The following RB1CC1 variants were observed in gnomAD, a reference collection of about 807,000 sequenced individuals.
The protein encoded by RB1CC1 is RB1 inducible coiled-coil 1.
RB1CC1 carries 46 observed loss-of-function variants against 177.5 expected under a neutral mutation model. The observed-to-expected ratio is 0.26, with a 90% CI of 0.20 to 0.33. The LOEUF (loss-of-function observed/expected upper bound fraction) is 0.33, where lower values mean the gene tolerates loss of function less well. Among genes scored for constraint, RB1CC1 ranks in the 10% least tolerant of loss-of-function variants. RB1CC1 has a pLI of 1.00. For synonymous variants in RB1CC1, 666 were observed against 613.6 expected (o/e 1.09, Z -1.26); for missense variants, 1,703 against 1,816.3 (o/e 0.94, Z 1.13).
At chr8:52,707,111 A>T (rs1856628825) in intron 1 of RB1CC1, among the ~76,000 whole-genome samples, 1 of 152,274 alleles carries the variant, frequency 6.6e-6, no homozygotes, top group Non-Finnish European at 1.5e-5. Context: ...AAAAAGTAAA[A>T]GTACCTGTCT....
chr8:52,658,788 G>C (rs1036179413), intron 13 of RB1CC1, 85 bp downstream of exon 13: 7 of 896,758 alleles, frequency 7.8e-6, no homozygotes, highest in Admixed American at 3.3e-5. Flanking sequence ...CACCTCTTAA[G>C]ATTACTGGTA....
At chr8:52,641,384 CAAAAA>C (rs33912526) in intron 18 of RB1CC1, among the ~76,000 whole-genome samples, 3 of 97,478 alleles carry the variant, frequency 3.1e-5, no homozygotes, top group African/African-American at 1.2e-4. Context: ...GACTTCATCT[CAAAAA>C]AAAAAAAAAA....
chr8:52,670,690 C>G (rs1023400192), intron 7 of RB1CC1, among the ~76,000 whole-genome samples: 4 of 152,146 alleles, frequency 2.6e-5, no homozygotes, highest in African/African-American at 9.7e-5. Flanking sequence ...ACAGAACACT[C>G]AAGAGTCATC....
intron 1 of RB1CC1, among the ~76,000 whole-genome samples, chr8:52,712,259 TATTC>T (rs921750104): frequency 2.6e-5 from 4 of 152,194 alleles, no homozygotes; most frequent in Admixed American, 2.0e-4. Context: ...TTTAAAAAGA[TATTC>T]ATAAGACATA....
rs905434504 is a variant in RB1CC1 at position 52,656,447 on chromosome 8, A to C, written c.3382T>G (p.Leu1128Val). ...CACTGATCTTTTTCAATTGTCATTA[A>C]AGTTCTTAGCTCTGCTAAGCCCACC... ...YQVGLAELRT[L>V]MTIEKDQCIS... is the part of the protein sequence containing the mutation. Residue 1128 changes from leucine (L) to valine (V), a missense_variant, in exon 15 of 24, where the codon TTA becomes GTA. Around this residue, in one of 6 missense-constraint regions of RB1CC1, gnomAD observed 1,169 missense variants for 1,184.7 expected, o/e 0.99. Transcript: ENST00000025008. 1 of 1,611,480 alleles carries C rather than the reference A, an allele frequency of 6.2e-7. No individual in the cohort carries two copies. Among genetic ancestry groups the C allele is most frequent in the Non-Finnish European group, 8.5e-7 (1 of 1,179,682 alleles).
chr8:52,701,372 G>T (rs1038312937), intron 1 of RB1CC1, among the ~76,000 whole-genome samples: 1 of 152,114 alleles, frequency 6.6e-6, no homozygotes, highest in Non-Finnish European at 1.5e-5. Flanking sequence ...TAATTCACCT[G>T]TCTCGGCCTC....
At chr8:52,696,784 C>A (rs1213883322) in intron 1 of RB1CC1, among the ~76,000 whole-genome samples, 2 of 152,156 alleles carry the variant, frequency 1.3e-5, no homozygotes, top group Non-Finnish European at 2.9e-5. Flanking sequence ...AGGCTGATCA[C>A]TTGAGCTCAG....
chr8:52,641,814 G>C (rs565433010), intron 18 of RB1CC1, among the ~76,000 whole-genome samples: 1 of 152,136 alleles, frequency 6.6e-6, no homozygotes, highest in Admixed American at 6.6e-5. Flanking sequence ...TCCCAATTCT[G>C]TCTCTCCCAT....
intron 20 of RB1CC1, among the ~76,000 whole-genome samples, chr8:52,634,576 AAT>A (rs1848991867): frequency 6.6e-6 from 1 of 152,180 alleles, no homozygotes; most frequent in Non-Finnish European, 1.5e-5. Flanking sequence ...CTTGTGAGTA[AAT>A]ATATTAATCT....
chr8:52,684,048 A>C, intron 3 of RB1CC1, 35 bp from the exon 4 acceptor site: 13 of 1,585,694 alleles, frequency 8.2e-6, no homozygotes, highest in Non-Finnish European at 1.1e-5. Context: ...TCAGTTGTTT[A>C]TATTTGCCCA....
At position 52,658,277 on chromosome 8, in the gene RB1CC1, T is replaced by A. The variant is rs191028202; in HGVS notation, c.1794-153A>T. ...GTATTTTAAGAAGTTTGTGTCATAA[T>A]CAGTAAAGTAAAAACTTAGGGCCGG... On this transcript the variant is annotated intron_variant, in intron 13 of 23. Transcript: ENST00000025008. Among the ~76,000 whole-genome samples, 30 of 152,254 alleles carry A rather than the reference T, an allele frequency of 2.0e-4. No individual in the cohort carries two copies. The East Asian group carries it at 5.2e-3, about 26-fold the overall frequency.
intron 1 of RB1CC1, among the ~76,000 whole-genome samples, chr8:52,689,201 T>A (rs1386298522): frequency 6.6e-6 from 1 of 152,214 alleles, no homozygotes; most frequent in African/African-American, 2.4e-5. Flanking sequence ...TCTCCTTGCT[T>A]TAATTTTTCA....
chr8:52,675,120 A>G (rs1168240887), intron 6 of RB1CC1, among the ~76,000 whole-genome samples: 1 of 152,180 alleles, frequency 6.6e-6, no homozygotes, highest in Non-Finnish European at 1.5e-5. Context: ...TACAGCTAAC[A>G]GAACCCTTAG....
chr8:52,657,906 T>C lies in RB1CC1; in HGVS notation c.1923A>G (p.Ala641=), dbSNP rs770912701. 1.9e-5 allele frequency: 30 copies of C among 1,612,982 alleles called. No individual in the cohort carries two copies. The African/African-American group carries it at 3.3e-4, about 18-fold the overall frequency. ...ACTGTGGGGATGTCTGACTCACAGA[T>C]GCCTGGAAAACAGAAAGAAAGGCTT... The part of the protein sequence containing the change: ...TITDLLSEQK[A]SVSQTSPQSA... Residue 641 remains alanine, a splice_region_variant and synonymous_variant, in exon 15 of 24, where the codon GCA becomes GCG. Coordinates refer to ENST00000025008, the MANE Select transcript of RB1CC1 (RefSeq NM_014781.5).
At position 52,687,718 on chromosome 8, in the gene RB1CC1, A is replaced by G. The variant is rs1854396132; in HGVS notation, c.-166-751T>C. ...GCAGATCCTTTCCTAGTTGAGCCTC[A>G]GAGAAGACCTCAGCCCTGGCCAACA... On this transcript the variant is annotated intron_variant, in intron 1 of 23. Coordinates refer to ENST00000025008, the MANE Select transcript of RB1CC1 (RefSeq NM_014781.5). Among the ~76,000 whole-genome samples, 3 of 152,324 alleles carry G rather than the reference A, an allele frequency of 2.0e-5. No homozygotes were observed. In the South Asian group the frequency reaches 6.2e-4, roughly 32 times the overall value.
Position 52,642,511 on chromosome 8 carries a change from G to T in RB1CC1, c.4177C>A (p.Arg1393Ser). 1 of 1,613,954 alleles carries T rather than the reference G, an allele frequency of 6.2e-7. No homozygotes were observed. Among genetic ancestry groups the T allele is most frequent in the Non-Finnish European group, 8.5e-7 (1 of 1,179,952 alleles). ...GGTGAAGGAACAAAACTGCTACTACGCAACTTACTGACTTCTTCTTCAAGC... is the reference window on the plus strand; with the variant it reads ...GGTGAAGGAACAAAACTGCTACTACTCAACTTACTGACTTCTTCTTCAAGC... ...KKLEEEVSKLRSSSFVPSPYV... is the reference protein window; with the variant it reads ...KKLEEEVSKLSSSSFVPSPYV... Residue 1393 changes from arginine (R) to serine (S), a missense_variant, in exon 18 of 24, where the codon CGT becomes AGT. Around this residue, in one of 6 missense-constraint regions of RB1CC1, gnomAD observed 1,169 missense variants for 1,184.7 expected, o/e 0.99. Transcript: ENST00000025008.
rs552449201 is a variant in RB1CC1, at chr8:52,700,521, C to G, written c.-167+13554G>C. The stretch of plus-strand genomic sequence containing the variant: ...CAGCACTCCAGCCTAGGCAACAGAG[C>G]AAGACTATCTTTAGAAAAAACAAAA... On this transcript the variant is annotated intron_variant, in intron 1 of 23. Transcript: ENST00000025008. Among the ~76,000 whole-genome samples the G allele has an allele frequency of 6.7e-4, 102 of 151,956 alleles. 1 individual carries two copies. The highest frequency in any genetic ancestry group is 2.4e-3 in the African/African-American group (98 of 41,448).
intron 15 of RB1CC1, among the ~76,000 whole-genome samples, chr8:52,655,097 A>G (rs1850962111): frequency 6.6e-6 from 1 of 152,124 alleles, no homozygotes; most frequent in African/African-American, 2.4e-5. Flanking sequence ...TCCAGCTTTT[A>G]AACATACATG....
At chr8:52,645,380 C>T (rs1181267694) in intron 16 of RB1CC1, among the ~76,000 whole-genome samples, 1 of 151,914 alleles carries the variant, frequency 6.6e-6, no homozygotes, top group East Asian at 1.9e-4. Flanking sequence ...AATGATCTAC[C>T]CAAGATCACA....
Sources: gnomAD v4.1 joint callset for allele counts (sites outside exome capture counted in the v4.1 genomes callset) on GRCh38, gnomAD v4.1.1 for gene constraint, gnomAD v4.1.1 regional missense constraint, MANE v1.5 for transcripts, NCBI Gene and HGNC (gene_info 2026-07-23, HGNC 2026-07-21) for gene names.